Variants in DMTF1 observed in about 807,000 individuals in gnomAD.
DMTF1 encodes cyclin D binding myb like transcription factor 1, also known as cyclin-D-binding Myb-like transcription factor 1.
In DMTF1, 39 loss-of-function variants were observed where a neutral mutation model predicts 91.1. That is an observed-to-expected ratio of 0.43 (90% CI 0.33 to 0.56). DMTF1 has a LOEUF of 0.56. Among genes scored for constraint, DMTF1 ranks in the 20% least tolerant of loss-of-function variants. The probability of loss-of-function intolerance (pLI) is 0.05; values close to 1 mark genes in which losing one functional copy is unlikely to be tolerated. For synonymous variants in DMTF1, 338 were observed against 309.5 expected (o/e 1.09, Z -0.97); for missense variants, 750 against 914.5 (o/e 0.82, Z 2.32).
chr7:87,160,720 C>T (rs1792104816), intron 1 of DMTF1, among the ~76,000 whole-genome samples: 1 of 152,148 alleles, frequency 6.6e-6, no homozygotes, highest in Non-Finnish European at 1.5e-5. Flanking sequence ...AGTTATCTTT[C>T]CCCCCAGCAG....
At chr7:87,194,876 A>G (rs1800906655) in intron 17 of DMTF1, 48 bp downstream of exon 17, 1 of 1,556,134 alleles carries the variant, frequency 6.4e-7, no homozygotes, top group Non-Finnish European at 8.8e-7. Context: ...TTTAGATGGA[A>G]AAAAACAGAC....
chr7:87,181,888 A>C (rs1797452623), intron 9 of DMTF1: 1 of 552,500 alleles, frequency 1.8e-6, no homozygotes, highest in East Asian at 4.9e-5. Context: ...ATGTCTAAAG[A>C]AGAGTTTGTT....
chr7:87,167,724 A>G (rs773998828), intron 4 of DMTF1, among the ~76,000 whole-genome samples: 2 of 152,242 alleles, frequency 1.3e-5, no homozygotes, highest in Non-Finnish European at 2.9e-5. Flanking sequence ...ATAGACAAGC[A>G]TAACATTTCT....
intron 3 of DMTF1, among the ~76,000 whole-genome samples, chr7:87,166,014 A>G (rs1317477946): frequency 6.6e-6 from 1 of 152,210 alleles, no homozygotes; most frequent in East Asian, 1.9e-4. Flanking sequence ...TACATTTAAT[A>G]GCATAAAGCT....
chr7:87,165,034 TC>T lies in DMTF1; in HGVS notation c.94del (p.His32ThrfsTer10). On this transcript the variant is annotated frameshift_variant, in exon 3 of 18. Coordinates refer to ENST00000331242, the MANE Select transcript of DMTF1 (RefSeq NM_001142327.2). LOFTEE classifies it high-confidence loss of function. ...AGGACACAGAAGGGAATCTCATTCT[TC>T]ACTGCCCTCAGAATGGTAGGAGAAC... ...TQDTEGNLILHCPQNEADEID... is the reference protein window; with the variant it reads ...TQDTEGNLILXCPQNEADEID... 1 of 1,606,810 alleles carries T rather than the reference TC, an allele frequency of 6.2e-7. No homozygotes were observed. The highest frequency in any genetic ancestry group is 1.7e-5 in the Admixed American group (1 of 59,556).
chr7:87,194,393 T>A, intron 16 of DMTF1: 1 of 480,546 alleles, frequency 2.1e-6, no homozygotes, highest in Non-Finnish European at 3.6e-6. Flanking sequence ...TCCTGAGTGG[T>A]TAGTAATCTT....
rs569761916 is a variant in DMTF1, at chr7:87,172,460, T to C, written c.328-1075T>C. 3.9e-5 allele frequency among the ~76,000 whole-genome samples: 6 copies of C among 152,338 alleles called. No individual in the cohort carries two copies. The South Asian group carries it at 1.2e-3, about 32-fold the overall frequency. The stretch of plus-strand genomic sequence containing the variant: ...AGAAATGTGGCTTTTCTCCTAATTG[T>C]ACCTTGGTTGTCCACTGACAGCTTA... On this transcript the variant is annotated intron_variant, in intron 5 of 17. Coordinates refer to ENST00000331242, the MANE Select transcript of DMTF1 (RefSeq NM_001142327.2).
intron 13 of DMTF1, 73 bp downstream of exon 13, chr7:87,188,374 GTT>G: frequency 2.0e-6 from 3 of 1,504,440 alleles, no homozygotes; most frequent in Non-Finnish European, 1.8e-6. Flanking sequence ...ATGTCTTTTG[GTT>G]TTCTAGAATG....
At chr7:87,160,822 A>G (rs1792139966) in intron 1 of DMTF1, among the ~76,000 whole-genome samples, 2 of 152,172 alleles carry the variant, frequency 1.3e-5, no homozygotes, top group East Asian at 1.9e-4. Flanking sequence ...GCATCTCTCT[A>G]GCTGGTCCTT....
At chr7:87,179,122 A>T (rs1167562915) in intron 7 of DMTF1, among the ~76,000 whole-genome samples, 2 of 151,926 alleles carry the variant, frequency 1.3e-5, no homozygotes, top group East Asian at 1.9e-4. Flanking sequence ...GTCTTTTTTT[A>T]AAATTTTGGC....
At chr7:87,188,966 G>T (rs929478542) in intron 13 of DMTF1, among the ~76,000 whole-genome samples, 1 of 152,146 alleles carries the variant, frequency 6.6e-6, no homozygotes, top group Admixed American at 6.5e-5. Context: ...ATTCTTCCTT[G>T]TTTTTGGTCT....
rs10215338 is a variant in DMTF1, at chr7:87,160,572, C to T, written c.-131-2923C>T. 2.2e-3 allele frequency among the ~76,000 whole-genome samples: 337 copies of T among 152,172 alleles called. 1 individual carries two copies. The highest frequency in any genetic ancestry group is 6.9e-3 in the African/African-American group (285 of 41,536). On this transcript the variant is annotated intron_variant, in intron 1 of 17. Coordinates refer to ENST00000331242, the MANE Select transcript of DMTF1 (RefSeq NM_001142327.2). The stretch of plus-strand genomic sequence containing the variant: ...GCCACCCAAAATGAGCCACCACACC[C>T]GGCCTGTAGTTTCTTTTCTTCCCTA...
intron 10 of DMTF1, 120 bp from the exon 11 acceptor site, chr7:87,184,277 C>G: frequency 1.1e-6 from 1 of 873,322 alleles, no homozygotes; most frequent in Non-Finnish European, 1.7e-6. Flanking sequence ...ACCAGAGGGT[C>G]ATTCAGAAAC....
intron 14 of DMTF1, 66 bp from the exon 15 acceptor site, chr7:87,193,132 T>G: frequency 6.4e-7 from 1 of 1,556,932 alleles, no homozygotes; most frequent in Admixed American, 1.7e-5. Context: ...TAAACTAAAC[T>G]CAGTCCGTTT....
intron 6 of DMTF1, 31 bp downstream of exon 6, chr7:87,173,680 G>C: frequency 6.9e-7 from 1 of 1,458,378 alleles, no homozygotes; most frequent in Non-Finnish European, 9.5e-7. Flanking sequence ...TTAGTGCCTA[G>C]TGAAAAAAAA....
Position 87,182,270 on chromosome 7 carries a change from G to A in DMTF1, c.753G>A (p.Ala251=). ...GCAATGACTGGGCAACAATAGGGGC[G>A]GCGCTAGGAAGAAGTGCATCTTCTG... ...KHGNDWATIG[A]ALGRSASSVK... The change falls in exon 10 of 18, where the codon GCG becomes GCA. Residue 251 remains alanine, a synonymous_variant. Coordinates refer to ENST00000331242, the MANE Select transcript of DMTF1 (RefSeq NM_001142327.2). The A allele has an allele frequency of 3.1e-6, 5 of 1,614,118 alleles. No individual in the cohort carries two copies. The highest frequency in any genetic ancestry group is 4.2e-6 in the Non-Finnish European group (5 of 1,179,984).
At chr7:87,186,034 C>CT in intron 12 of DMTF1, 54 bp downstream of exon 12, 1 of 1,592,128 alleles carries the variant, frequency 6.3e-7, no homozygotes. Context: ...ATATTTACTC[C>CT]TTAGGAGTGA....
chr7:87,165,128 A>T, intron 3 of DMTF1, 78 bp downstream of exon 3: 1 of 927,066 alleles, frequency 1.1e-6, no homozygotes, highest in Non-Finnish European at 1.7e-6. Context: ...CTATTGCCCA[A>T]ATAGGGGTCT....
chr7:87,181,460 A>G, intron 9 of DMTF1, 119 bp downstream of exon 9: 1 of 510,800 alleles, frequency 2.0e-6, no homozygotes. Context: ...TGTGCTATTA[A>G]GCATGATTGG....
Sources: allele counts gnomAD v4.1 joint callset (sites outside exome capture counted in the v4.1 genomes callset), GRCh38; gene constraint gnomAD v4.1.1; transcripts MANE v1.5; gene names NCBI Gene and HGNC (gene_info 2026-07-23, HGNC 2026-07-21).